BNC2: variants seen among roughly 807,000 people sequenced by gnomAD.
The protein encoded by BNC2 is zinc finger protein basonuclin-2.
Under a neutral mutation model 76.3 loss-of-function variants are expected in BNC2, and 20 were observed. The ratio of observed to expected loss-of-function variants is 0.26; its 90% CI spans 0.18 to 0.38. BNC2 has a LOEUF of 0.38. Among genes scored for constraint, BNC2 ranks in the 10% least tolerant of loss-of-function variants. BNC2 has a pLI of 1.00. For synonymous variants in BNC2, 582 were observed against 514.8 expected (o/e 1.13, Z -1.77); for missense variants, 1,382 against 1,399.8 (o/e 0.99, Z 0.20).
At chr9:16,751,578 A>C (rs1825196321) in intron 1 of BNC2, among the ~76,000 whole-genome samples, 1 of 149,392 alleles carries the variant, frequency 6.7e-6, no homozygotes, top group Admixed American at 6.7e-5. Flanking sequence ...ATTGTTCTAG[A>C]AATATAAAGC....
At chr9:16,609,336 G>T (rs542543599) in intron 3 of BNC2, among the ~76,000 whole-genome samples, 6 of 152,106 alleles carry the variant, frequency 3.9e-5, no homozygotes, top group African/African-American at 1.2e-4. Flanking sequence ...TCCAATAGAG[G>T]GGGGGAAACC....
chr9:16,705,862 G>C (rs1823653631), intron 3 of BNC2, among the ~76,000 whole-genome samples: 1 of 152,110 alleles, frequency 6.6e-6, no homozygotes, highest in African/African-American at 2.4e-5. Flanking sequence ...GAAGTTGAGA[G>C]AAAAATTCAA....
At chr9:16,582,883 C>T in intron 4 of BNC2, 100 bp downstream of exon 4, 2 of 890,358 alleles carry the variant, frequency 2.2e-6, no homozygotes, top group Non-Finnish European at 3.6e-6. Flanking sequence ...CCAGTGACTC[C>T]TCTAAACAGA....
At chr9:16,515,044 T>C (rs561775468) in intron 5 of BNC2, among the ~76,000 whole-genome samples, 2 of 152,350 alleles carry the variant, frequency 1.3e-5, no homozygotes, top group East Asian at 1.9e-4. Context: ...GAGAACTCCC[T>C]TTAATGCACA....
At position 16,516,882 on chromosome 9, in the gene BNC2, A is replaced by G. The variant is rs373458543; in HGVS notation, c.669+35648T>C. 1.8e-4 allele frequency among the ~76,000 whole-genome samples: 27 copies of G among 152,352 alleles called. No individual in the cohort carries two copies. The East Asian group carries it at 4.8e-3, about 27-fold the overall frequency. On this transcript the variant is annotated intron_variant, in intron 5 of 6. Transcript: ENST00000380672. ...CTAACTCTAAATGAGGTAAACGTTA[A>G]TTAGATGTTTCTGGTTTCTTTGATT... is the stretch of plus-strand genomic sequence containing the variant.
At chr9:16,743,121 A>G (rs1380645910) in intron 1 of BNC2, among the ~76,000 whole-genome samples, 1 of 152,214 alleles carries the variant, frequency 6.6e-6, no homozygotes, top group Non-Finnish European at 1.5e-5. Context: ...GAGACAGCTC[A>G]GGGAAATAAA....
At chr9:16,441,331 C>T in intron 5 of BNC2, among the ~76,000 whole-genome samples, 1 of 152,132 alleles carries the variant, frequency 6.6e-6, no homozygotes, top group East Asian at 1.9e-4. Flanking sequence ...TCAATTTGAT[C>T]AAGATTATCT....
intron 5 of BNC2, among the ~76,000 whole-genome samples, chr9:16,460,717 A>C (rs1821560446): frequency 6.6e-6 from 1 of 152,152 alleles, no homozygotes; most frequent in Admixed American, 6.5e-5. Flanking sequence ...TTTACTTACT[A>C]TGATCTGCGT....
At chr9:16,839,988 A>G (rs1019660421) in intron 1 of BNC2, among the ~76,000 whole-genome samples, 1 of 152,218 alleles carries the variant, frequency 6.6e-6, no homozygotes, top group African/African-American at 2.4e-5. Flanking sequence ...TCTTCTCAAT[A>G]GCCTTTACCA....
intron 5 of BNC2, among the ~76,000 whole-genome samples, chr9:16,545,028 C>G (rs77177306): frequency 0.037 from 5,628 of 152,226 alleles, 137 homozygotes; most frequent in Middle Eastern, 0.088. Context: ...AAAAGTGAAA[C>G]CAAGATTCAC....
chr9:16,525,616 T>C (rs1817775438), intron 5 of BNC2, among the ~76,000 whole-genome samples: 1 of 152,198 alleles, frequency 6.6e-6, no homozygotes, highest in Non-Finnish European at 1.5e-5. Flanking sequence ...TCTACCAGTG[T>C]ATGAAGGAAT....
chr9:16,575,500 T>C (rs558732354), intron 4 of BNC2: 1 of 933,044 alleles, frequency 1.1e-6, no homozygotes, highest in Non-Finnish European at 1.3e-6. Flanking sequence ...AAAGAAAATT[T>C]AAGGAGTGCA....
intron 1 of BNC2, among the ~76,000 whole-genome samples, chr9:16,866,662 TTAAAAA>T (rs1819552171): frequency 7.6e-6 from 1 of 131,246 alleles, no homozygotes; most frequent in South Asian, 2.6e-4. Flanking sequence ...TCTGTCACTT[TTAAAAA>T]AAAAAAAAAA....
chr9:16,476,867 G>A (rs964840377), intron 5 of BNC2, among the ~76,000 whole-genome samples: 1 of 152,152 alleles, frequency 6.6e-6, no homozygotes, highest in African/African-American at 2.4e-5. Context: ...ATGATGCAAG[G>A]GGTTTGAAAT....
At chr9:16,567,286 A>C (rs946550359) in intron 4 of BNC2, among the ~76,000 whole-genome samples, 27 of 152,230 alleles carry the variant, frequency 1.8e-4, no homozygotes, top group African/African-American at 5.8e-4. Flanking sequence ...TAAAATGAGC[A>C]TAAAACATAA....
chr9:16,706,326 T>C (rs1823671749), intron 3 of BNC2, among the ~76,000 whole-genome samples: 1 of 152,208 alleles, frequency 6.6e-6, no homozygotes, highest in South Asian at 2.1e-4. Flanking sequence ...AATTGTTTTA[T>C]TATTCCTCTT....
intron 1 of BNC2, among the ~76,000 whole-genome samples, chr9:16,750,594 C>A (rs192613033): frequency 9.1e-4 from 139 of 152,114 alleles, no homozygotes; most frequent in African/African-American, 3.2e-3. Context: ...ATCTCTCAAA[C>A]AAACTCTAGA....
At chr9:16,782,339 T>G (rs542594798) in intron 1 of BNC2, among the ~76,000 whole-genome samples, 1 of 152,148 alleles carries the variant, frequency 6.6e-6, no homozygotes, top group East Asian at 1.9e-4. Context: ...TAAATTTTTT[T>G]AGAATAAATG....
chr9:16,615,316 G>GTAT, intron 3 of BNC2, among the ~76,000 whole-genome samples: 1 of 152,078 alleles, frequency 6.6e-6, no homozygotes, highest in Admixed American at 6.6e-5. Context: ...ATGGAGCTCA[G>GTAT]GACATGCTAC....
Sources: allele counts gnomAD v4.1 joint callset (sites outside exome capture counted in the v4.1 genomes callset), GRCh38; gene constraint gnomAD v4.1.1; transcripts MANE v1.5; gene names NCBI Gene and HGNC (gene_info 2026-07-23, HGNC 2026-07-21).